Variants in RIMBP2 observed in about 807,000 individuals in gnomAD.
The protein encoded by RIMBP2 is RIMS binding protein 2.
A neutral mutation model predicts 118.6 loss-of-function variants in RIMBP2; 48 were observed. That is an observed-to-expected ratio of 0.40 (90% CI 0.32 to 0.51). The LOEUF is 0.51. Ranked by LOEUF, RIMBP2 falls within the 20% of genes least tolerant of loss-of-function variation. The probability of loss-of-function intolerance (pLI) is 0.41; values close to 1 mark genes in which losing one functional copy is unlikely to be tolerated. For missense variants in RIMBP2, 1,551 were observed against 1,768.3 expected, an observed-to-expected ratio of 0.88 and a Z score of 2.20; for synonymous variants, 762 against 742.9, an observed-to-expected ratio of 1.03 and a Z score of -0.42.
At chr12:130,645,385 G>C (rs1237123104) in intron 1 of RIMBP2, among the ~76,000 whole-genome samples, 1 of 152,198 alleles carries the variant, frequency 6.6e-6, no homozygotes, top group African/African-American at 2.4e-5. Flanking sequence ...AAATAAACCA[G>C]AATTGAATTT....
chr12:130,436,984 A>G lies in RIMBP2; in HGVS notation c.1964T>C (p.Met655Thr). The change falls in exon 13 of 23, where the codon ATG becomes ACG. Residue 655 changes from methionine (M) to threonine (T), a missense_variant. Transcript: ENST00000690449. ...SRAPGPVHGH[M>T]LEPPVGPGRR... The stretch of plus-strand genomic sequence containing the variant: ...TCCGGGGCCCACGGGCGGCTCCAGC[A>G]TGTGCCCATGCACAGGGCCAGGTGC... The G allele has an allele frequency of 1.9e-6, 3 of 1,609,576 alleles. No individual in the cohort carries two copies. Among genetic ancestry groups the G allele is most frequent in the Admixed American group, 1.7e-5 (1 of 59,664 alleles).
intron 1 of RIMBP2, among the ~76,000 whole-genome samples, chr12:130,715,009 C>T (rs1356294148): frequency 6.6e-6 from 1 of 152,228 alleles, no homozygotes; most frequent in Non-Finnish European, 1.5e-5. Context: ...CTGCCCACTC[C>T]TGCTCAGAGC....
chr12:130,587,935 G>A (rs1419219355), intron 2 of RIMBP2, among the ~76,000 whole-genome samples: 1 of 151,498 alleles, frequency 6.6e-6, no homozygotes, highest in Non-Finnish European at 1.5e-5. Flanking sequence ...TTCTGCACCT[G>A]CCAGCACATA....
intron 6 of RIMBP2, among the ~76,000 whole-genome samples, chr12:130,457,336 G>T (rs114559352): frequency 0.012 from 1,881 of 152,284 alleles, 39 homozygotes; most frequent in African/African-American, 0.043. Context: ...GAGCCCTGGG[G>T]AAGGCAAGCG....
At chr12:130,526,403 C>T (rs1240392000) in intron 2 of RIMBP2, among the ~76,000 whole-genome samples, 1 of 152,136 alleles carries the variant, frequency 6.6e-6, no homozygotes, top group African/African-American at 2.4e-5. Context: ...CAGGCTCAGG[C>T]ATCAAAGATC....
intron 3 of RIMBP2, among the ~76,000 whole-genome samples, chr12:130,509,875 AG>A (rs2050740524): frequency 1.3e-5 from 2 of 152,274 alleles, no homozygotes; most frequent in Admixed American, 1.3e-4. Flanking sequence ...GCAGCCCAGA[AG>A]CACCATGATG....
intron 2 of RIMBP2, among the ~76,000 whole-genome samples, chr12:130,556,786 C>G (rs1282782443): frequency 6.6e-6 from 1 of 152,174 alleles, no homozygotes; most frequent in Non-Finnish European, 1.5e-5. Flanking sequence ...GCAGTGCAGC[C>G]CCCAGGAACA....
intron 1 of RIMBP2, among the ~76,000 whole-genome samples, chr12:130,635,252 G>GACCC (rs2062282056): frequency 6.6e-6 from 1 of 152,174 alleles, no homozygotes; most frequent in Non-Finnish European, 1.5e-5. Flanking sequence ...CCAGCGCCTG[G>GACCC]ACCTACCTCT....
chr12:130,491,733 C>T (rs1398375484), intron 4 of RIMBP2, among the ~76,000 whole-genome samples: 2 of 152,200 alleles, frequency 1.3e-5, no homozygotes, highest in African/African-American at 2.4e-5. Context: ...CGCCTCCCCG[C>T]GCAGAGACCT....
intron 1 of RIMBP2, among the ~76,000 whole-genome samples, chr12:130,665,389 G>A: frequency 6.6e-6 from 1 of 151,448 alleles, no homozygotes; most frequent in East Asian, 1.9e-4. Flanking sequence ...GCCAGGCACA[G>A]TGGAGTGCAC....
chr12:130,567,392 C>T (rs183526312), intron 2 of RIMBP2, among the ~76,000 whole-genome samples: 27 of 152,306 alleles, frequency 1.8e-4, no homozygotes, highest in African/African-American at 6.3e-4. Flanking sequence ...CTGAAAAATG[C>T]GAGTTCATGA....
chr12:130,524,194 C>T (rs12822943), intron 2 of RIMBP2, among the ~76,000 whole-genome samples: 32,311 of 152,136 alleles, frequency 0.21, 3,539 homozygotes, highest in South Asian at 0.3. Context: ...AATTAACCCA[C>T]CACGTCTTTC....
intron 1 of RIMBP2, among the ~76,000 whole-genome samples, chr12:130,646,233 G>C (rs61936796): frequency 0.022 from 168 of 7,650 alleles, 17 homozygotes; most frequent in East Asian, 0.05. Context: ...CTCACCACCT[G>C]CCTCTCCACC....
At chr12:130,479,127 C>T (rs894376918) in intron 4 of RIMBP2, 111 bp from the exon 5 acceptor site, 3 of 702,012 alleles carry the variant, frequency 4.3e-6, no homozygotes, top group South Asian at 2.5e-5. Flanking sequence ...TCCAGAGCAG[C>T]CCCTCACCGC....
At chr12:130,405,682 C>T (rs1482447675) in intron 21 of RIMBP2, among the ~76,000 whole-genome samples, 3 of 69,992 alleles carry the variant, frequency 4.3e-5, no homozygotes, top group African/African-American at 5.5e-5. Flanking sequence ...GGGGTGGGGG[C>T]GGGGTGGGGG....
intron 1 of RIMBP2, among the ~76,000 whole-genome samples, chr12:130,697,299 A>G (rs1315825403): frequency 1.3e-5 from 2 of 152,214 alleles, no homozygotes; most frequent in Non-Finnish European, 2.9e-5. Context: ...AGGCGGGAGA[A>G]CTGGTTGAGG....
At chr12:130,557,732 T>A (rs1227186272) in intron 2 of RIMBP2, among the ~76,000 whole-genome samples, 1 of 152,238 alleles carries the variant, frequency 6.6e-6, no homozygotes, top group Admixed American at 6.5e-5. Context: ...TTCAGCTACC[T>A]GCGGAGATTG....
Position 130,511,411 on chromosome 12 carries a change from C to G in RIMBP2, c.-126-4641G>C, listed in dbSNP as rs1024778074. Among the ~76,000 whole-genome samples, 1 of 152,206 alleles carries G rather than the reference C, an allele frequency of 6.6e-6. No homozygotes were observed. Among genetic ancestry groups the G allele is most frequent in the Admixed American group, 6.5e-5 (1 of 15,270 alleles). ...AGCTAAACAGCAGTCCTCGTTACCG[C>G]GAGCACGCGTCGAATTGTCACTCTA... is the stretch of plus-strand genomic sequence containing the variant. On this transcript the variant is annotated intron_variant, in intron 3 of 22. Coordinates refer to ENST00000690449, the MANE Select transcript of RIMBP2 (RefSeq NM_001393629.1). This position sits in a 1 kb window ranked among gnomAD's most constrained non-coding sequence, Gnocchi z 4.3.
At position 130,589,724 on chromosome 12, in the gene RIMBP2, T is replaced by C. The variant is rs144139002; in HGVS notation, c.-217+38598A>G. ...CAGTGTACCCTTATAGACATTATTA[T>C]CTTTAAAATTAAAAATTAAGTATTT... On this transcript the variant is annotated intron_variant, in intron 2 of 22. Coordinates refer to ENST00000690449, the MANE Select transcript of RIMBP2 (RefSeq NM_001393629.1). Among the ~76,000 whole-genome samples the C allele has an allele frequency of 2.6e-5, 4 of 152,342 alleles. No individual in the cohort carries two copies. The East Asian group carries it at 7.7e-4, about 29-fold the overall frequency.
Sources: gnomAD v4.1 joint callset for allele counts (sites outside exome capture counted in the v4.1 genomes callset) on GRCh38, gnomAD v4.1.1 for gene constraint, Gnocchi (gnomAD v3.1) non-coding constraint, MANE v1.5 for transcripts, NCBI Gene and HGNC (gene_info 2026-07-23, HGNC 2026-07-21) for gene names.